The following PCMTD1 variants were observed in gnomAD, a reference collection of about 807,000 sequenced individuals.
The protein encoded by PCMTD1 is protein-L-isoaspartate O-methyltransferase domain-containing protein 1.
In PCMTD1, 12 loss-of-function variants were observed where a neutral mutation model predicts 37.6. The observed-to-expected ratio is 0.32, with a 90% CI of 0.20 to 0.52. The LOEUF (loss-of-function observed/expected upper bound fraction) is 0.52. Among genes scored for constraint, PCMTD1 ranks in the 20% least tolerant of loss-of-function variants. PCMTD1 has a pLI of 0.97. For missense variants in PCMTD1, 235 were observed against 421.3 expected (o/e 0.56, Z 3.87); for synonymous variants, 117 against 135.8 (o/e 0.86, Z 0.96).
chr8:51,872,076 A>C (rs2038647703), intron 1 of PCMTD1, among the ~76,000 whole-genome samples: 1 of 152,218 alleles, frequency 6.6e-6, no homozygotes. Context: ...GTTCTATGAC[A>C]GTTTTAGCGT....
chr8:51,895,483 G>A (rs1488158936), intron 1 of PCMTD1, among the ~76,000 whole-genome samples: 1 of 152,178 alleles, frequency 6.6e-6, no homozygotes, highest in African/African-American at 2.4e-5. Context: ...AATCATACCT[G>A]ATGCATGTCT....
intron 3 of PCMTD1, among the ~76,000 whole-genome samples, chr8:51,834,316 A>C (rs529644211): frequency 1.3e-5 from 2 of 152,330 alleles, no homozygotes; most frequent in East Asian, 3.9e-4. Flanking sequence ...TTTGGCCCCG[A>C]TGATCTCCCT....
chr8:51,847,425 G>A (rs1332676460), intron 2 of PCMTD1, among the ~76,000 whole-genome samples: 2 of 151,710 alleles, frequency 1.3e-5, no homozygotes, highest in Admixed American at 6.6e-5. Flanking sequence ...CCAGGAGTTC[G>A]AGACCATCCT....
intron 1 of PCMTD1, among the ~76,000 whole-genome samples, chr8:51,874,005 C>T (rs1025939773): frequency 2.0e-5 from 3 of 151,732 alleles, no homozygotes; most frequent in Non-Finnish European, 4.4e-5. Context: ...CTCCGCCTCC[C>T]GGGTTCAAGC....
intron 1 of PCMTD1, 149 bp downstream of exon 1, chr8:51,898,781 G>T: frequency 1.3e-6 from 1 of 749,158 alleles, no homozygotes; most frequent in Non-Finnish European, 1.8e-6. Flanking sequence ...CCCCCGACCT[G>T]CCCGCCCTTA....
intron 1 of PCMTD1, among the ~76,000 whole-genome samples, chr8:51,892,539 T>C (rs1384665805): frequency 1.3e-5 from 2 of 152,256 alleles, no homozygotes; most frequent in Non-Finnish European, 2.9e-5. Flanking sequence ...TATTTTCCCC[T>C]ACAAGAAAAG....
At chr8:51,882,547 G>GT (rs994883440) in intron 1 of PCMTD1, among the ~76,000 whole-genome samples, 6 of 152,092 alleles carry the variant, frequency 3.9e-5, no homozygotes, top group African/African-American at 1.4e-4. Context: ...CCTCTTCAAA[G>GT]TAAGGGTCTA....
chr8:51,828,597 C>T (rs926281423), intron 5 of PCMTD1, among the ~76,000 whole-genome samples: 6 of 152,138 alleles, frequency 3.9e-5, no homozygotes, highest in African/African-American at 7.2e-5. Context: ...AAAGTAAGGT[C>T]GAACCATCCT....
At chr8:51,885,887 T>C (rs2038859064) in intron 1 of PCMTD1, among the ~76,000 whole-genome samples, 1 of 152,200 alleles carries the variant, frequency 6.6e-6, no homozygotes, top group Non-Finnish European at 1.5e-5. Flanking sequence ...CTTTCAAAGA[T>C]AGCAATTTTT....
intron 1 of PCMTD1, among the ~76,000 whole-genome samples, chr8:51,877,213 G>T (rs1459811738): frequency 6.6e-6 from 1 of 152,202 alleles, no homozygotes; most frequent in Non-Finnish European, 1.5e-5. Flanking sequence ...GAACAAAGGA[G>T]ACAGGGTCAT....
At position 51,820,466 on chromosome 8, in the gene PCMTD1, T is replaced by C. The variant is rs758400565; in HGVS notation, c.959A>G (p.His320Arg). ...EDNKEEEEKDHNEAMKPEEPP... is the reference protein window; with the variant it reads ...EDNKEEEEKDRNEAMKPEEPP... ...CTCCTCTGGCTTCATTGCTTCATTG[T>C]GATCTTTTTCCTCCTCTTCTTTGTT... The change falls in exon 6 of 6, where the codon CAC becomes CGC. Residue 320 changes from histidine to arginine, a missense_variant. His to Arg is a conservative substitution (Grantham distance 29). Transcript: ENST00000522514. The C allele has an allele frequency of 1.2e-6, 2 of 1,613,980 alleles. No homozygotes were observed. Among genetic ancestry groups the C allele is most frequent in the East Asian group, 4.5e-5 (2 of 44,870 alleles).
chr8:51,848,909 A>G (rs1374137287), intron 2 of PCMTD1: 1 of 151,052 alleles, frequency 6.6e-6, no homozygotes, highest in Non-Finnish European at 1.5e-5. Context: ...TGTTCAAAGT[A>G]AATTAAAAAG....
At chr8:51,881,546 G>A (rs1428510641) in intron 1 of PCMTD1, among the ~76,000 whole-genome samples, 1 of 152,136 alleles carries the variant, frequency 6.6e-6, no homozygotes, top group East Asian at 1.9e-4. Flanking sequence ...TCTACAGACA[G>A]GCAGAGTGTA....
rs1161808826 is a variant in PCMTD1 at position 51,817,930 on chromosome 8, C to T, written c.*2421G>A. 8.8e-6 allele frequency: 4 copies of T among 456,798 alleles called. No homozygotes were observed. The highest frequency in any genetic ancestry group is 4.6e-5 in the South Asian group (3 of 64,578). 28.3% of individuals were successfully genotyped at this position (456,798 alleles called of 1,614,324 possible). On this transcript the variant is annotated 3_prime_UTR_variant, in exon 6 of 6. Transcript: ENST00000522514. ...GGTTCTAGGTCTGTTTTCTCATCTG[C>T]AAAATAAACACCCAAATTAGATGAT...
At chr8:51,850,132 C>T (rs1478387396) in intron 2 of PCMTD1, 4 of 700,710 alleles carry the variant, frequency 5.7e-6, no homozygotes, top group Non-Finnish European at 1.0e-5. Context: ...GATGTCTTGG[C>T]TTCCAATCCC....
At chr8:51,847,552 AGGAGAC>A (rs1160425922) in intron 2 of PCMTD1, among the ~76,000 whole-genome samples, 2 of 152,112 alleles carry the variant, frequency 1.3e-5, no homozygotes, top group African/African-American at 4.8e-5. Context: ...GCTTCAACTC[AGGAGAC>A]GGAGGTTGCA....
rs139595202 is a variant in PCMTD1, at chr8:51,824,099, G to A, written c.707-3381C>T. ...ACCCACAGCCAATATCATACTGAAT[G>A]GGCAAAAACTGGAAGCATTCCCTTT... On this transcript the variant is annotated intron_variant, in intron 5 of 5. Coordinates refer to ENST00000522514, the MANE Select transcript of PCMTD1 (RefSeq NM_052937.4). Among the ~76,000 whole-genome samples the A allele has an allele frequency of 4.9e-3, 742 of 152,230 alleles. 6 individuals carry two copies. The highest frequency in any genetic ancestry group is 0.017 in the African/African-American group (712 of 41,536).
intron 1 of PCMTD1, among the ~76,000 whole-genome samples, chr8:51,874,422 T>C (rs1379814355): frequency 9.6e-6 from 1 of 104,710 alleles, no homozygotes; most frequent in Admixed American, 1.1e-4. Context: ...AGGGAAAGAA[T>C]TTCAAAGAAT....
intron 2 of PCMTD1, chr8:51,860,396 T>G (rs2038454156): frequency 6.4e-6 from 1 of 156,470 alleles, no homozygotes; most frequent in African/African-American, 2.4e-5. Flanking sequence ...GAACATATAC[T>G]TCTTTCTTCT....
Sources: gnomAD v4.1 joint callset for allele counts (sites outside exome capture counted in the v4.1 genomes callset) on GRCh38, gnomAD v4.1.1 for gene constraint, MANE v1.5 for transcripts, NCBI Gene and HGNC (gene_info 2026-07-23, HGNC 2026-07-21) for gene names.